Variants in TMLHE observed in about 807,000 individuals in gnomAD.
TMLHE encodes the protein trimethyllysine hydroxylase, epsilon, also known as trimethyllysine dioxygenase, mitochondrial.
Under a neutral mutation model 25.7 loss-of-function variants are expected in TMLHE, and 18 were observed. The ratio of observed to expected loss-of-function variants is 0.70; its 90% CI spans 0.48 to 1.04. The LOEUF is 1.04. Ranked by LOEUF, TMLHE falls within the 50% of genes least tolerant of loss-of-function variation. The pLI, the probability that TMLHE is intolerant of heterozygous loss-of-function variation, is 0.00. For missense variants in TMLHE, 236 were observed against 259.0 expected (o/e 0.91, Z 0.61); for synonymous variants, 105 against 97.0 (o/e 1.08, Z -0.49).
chrX:155,585,070 A>C (rs1557345111), intron 1 of TMLHE, among the ~76,000 whole-genome samples: 1 of 111,916 alleles, frequency 8.9e-6, no homozygotes, highest in African/African-American at 3.2e-5. Context: ...AATATACAAA[A>C]CAACCAGAAA....
chrX:155,545,272 C>T lies in TMLHE; in HGVS notation c.5G>A (p.Trp2Ter), dbSNP rs886041543. M[W>*]YHRLSHLHSR... ...GTGTAGGTGGGACAATCTGTGGTAC[C>T]ACATCCTAGAAGATTGGATAATAAC... The change falls in exon 2 of 8, where the codon TGG (tryptophan) becomes TAG (stop). Residue 2 changes from tryptophan to a stop codon, truncating the protein, a stop_gained. Coordinates refer to ENST00000334398, the MANE Select transcript of TMLHE (RefSeq NM_018196.4). LOFTEE classifies it high-confidence loss of function. The T allele has an allele frequency of 4.2e-6, 5 of 1,186,424 alleles. 1 individual carries two copies. In the East Asian group the frequency reaches 1.5e-4, roughly 35 times the overall value.
At chrX:155,612,411 G>T (rs1450948409) in intron 1 of TMLHE, 2 of 111,970 alleles carry the variant, frequency 1.8e-5, no homozygotes, top group African/African-American at 3.3e-5. Flanking sequence ...CTCGCTGAAA[G>T]CTAAACACCA....
intron 1 of TMLHE, among the ~76,000 whole-genome samples, chrX:155,560,634 T>TG (rs2067491376): frequency 1.9e-5 from 1 of 53,552 alleles, no homozygotes; most frequent in African/African-American, 4.0e-5. Context: ...GGATAGCCAA[T>TG]GCAAAGGCTC....
intron 3 of TMLHE, among the ~76,000 whole-genome samples, chrX:155,523,700 A>C (rs2067202353): frequency 8.9e-6 from 1 of 111,841 alleles, no homozygotes; most frequent in African/African-American, 3.2e-5. Context: ...AATCTTGCTT[A>C]TATTTTGACA....
intron 1 of TMLHE, among the ~76,000 whole-genome samples, chrX:155,585,581 G>A (rs2067659234): frequency 9.0e-6 from 1 of 111,358 alleles, no homozygotes; most frequent in African/African-American, 3.3e-5. Flanking sequence ...TAGATATAAA[G>A]GGAGAGAAAG....
intron 1 of TMLHE, among the ~76,000 whole-genome samples, chrX:155,593,443 T>C (rs2067703652): frequency 8.9e-6 from 1 of 111,892 alleles, no homozygotes; most frequent in Non-Finnish European, 1.9e-5. Context: ...TGAAGGTCCA[T>C]CCCTGCCAAA....
intron 5 of TMLHE, among the ~76,000 whole-genome samples, chrX:155,510,587 T>G (rs1312935277): frequency 9.1e-6 from 1 of 109,746 alleles, no homozygotes; most frequent in Admixed American, 9.8e-5. Context: ...ACTCATCATT[T>G]TTTATGGCTG....
intron 5 of TMLHE, among the ~76,000 whole-genome samples, chrX:155,511,138 C>T (rs1557333468): frequency 9.0e-6 from 1 of 111,537 alleles, no homozygotes. Context: ...ATTGTAATCT[C>T]CAGTGCTGGA....
chrX:155,604,819 C>A (rs2067777764), intron 1 of TMLHE, among the ~76,000 whole-genome samples: 1 of 112,185 alleles, frequency 8.9e-6, no homozygotes, highest in Non-Finnish European at 1.9e-5. Flanking sequence ...CTAATATATC[C>A]CTCTGTGAAA....
intron 1 of TMLHE, among the ~76,000 whole-genome samples, chrX:155,557,771 G>A (rs782167888): frequency 8.1e-5 from 9 of 110,932 alleles, no homozygotes; most frequent in Admixed American, 1.9e-4. Context: ...CATTCAACCA[G>A]TTGCGTAACT....
At chrX:155,583,778 G>A (rs1310300631) in intron 1 of TMLHE, among the ~76,000 whole-genome samples, 5 of 111,586 alleles carry the variant, frequency 4.5e-5, no homozygotes, top group Non-Finnish European at 9.4e-5. Context: ...TGGACATAGA[G>A]TGAGGAATGA....
At chrX:155,548,529 T>TTCAAC (rs1216971936) in intron 1 of TMLHE, among the ~76,000 whole-genome samples, 1 of 107,598 alleles carries the variant, frequency 9.3e-6, no homozygotes, top group Non-Finnish European at 1.9e-5. Flanking sequence ...AGGTCAGCAG[T>TTCAAC]ATGAGGCCAG....
chrX:155,549,117 CAG>C (rs2067391652), intron 1 of TMLHE, among the ~76,000 whole-genome samples: 1 of 111,433 alleles, frequency 9.0e-6, no homozygotes, highest in Non-Finnish European at 1.9e-5. Flanking sequence ...TTAATAAAAA[CAG>C]TTATTACTTC....
At chrX:155,516,090 A>G (rs1460151528) in intron 3 of TMLHE, among the ~76,000 whole-genome samples, 2 of 49,968 alleles carry the variant, frequency 4.0e-5, no homozygotes, top group Non-Finnish European at 7.7e-5. Context: ...CTATGTATAC[A>G]TGTGCCATGC....
intron 1 of TMLHE, among the ~76,000 whole-genome samples, chrX:155,610,931 A>C (rs1448128380): frequency 4.5e-5 from 5 of 111,034 alleles, no homozygotes; most frequent in Non-Finnish European, 9.4e-5. Context: ...CAGAGTTGAC[A>C]TTCATTGATT....
rs187951530 is a variant in TMLHE, at chrX:155,508,593, C to G, written c.759-1459G>C. ...GGAAGAATAATATTTAGGAAATAGA[C>G]AAAAGAAGCCAGCAAAGGAGGCTGA... is the stretch of plus-strand genomic sequence containing the variant. On this transcript the variant is annotated intron_variant, in intron 5 of 7. Transcript: ENST00000334398. Among the ~76,000 whole-genome samples, 3 of 110,215 alleles carry G rather than the reference C, an allele frequency of 2.7e-5. No individual in the cohort carries two copies. In the Admixed American group the frequency reaches 2.9e-4, roughly 11 times the overall value.
rs1179233743 is a variant in TMLHE, at chrX:155,570,151, A to C, written c.-1-24874T>G. On this transcript the variant is annotated intron_variant, in intron 1 of 7. Transcript: ENST00000334398. ...AAAGGACGGAGAAGATCTACCAAGCAAATGGAAAACAAAAAAAGGCAGGGG... is the reference window on the plus strand; with the variant it reads ...AAAGGACGGAGAAGATCTACCAAGCCAATGGAAAACAAAAAAAGGCAGGGG... Among the ~76,000 whole-genome samples, 12 of 56,248 alleles carry C rather than the reference A, an allele frequency of 2.1e-4. 3 individuals are homozygous for C. The highest frequency in any genetic ancestry group is 4.2e-4 in the Admixed American group (2 of 4,794). The allele number at this position is 56,248 out of a possible 115,157, so 48.8% of individuals were successfully genotyped here. A position where few individuals can be genotyped will look rare whatever the true frequency, so the allele number is the denominator to read the frequency against.
intron 2 of TMLHE, among the ~76,000 whole-genome samples, chrX:155,525,670 A>C (rs1438594792): frequency 8.9e-6 from 1 of 112,063 alleles, no homozygotes; most frequent in Non-Finnish European, 1.9e-5. Context: ...TTTTGACCAA[A>C]ATGCTGATAG....
intron 1 of TMLHE, among the ~76,000 whole-genome samples, chrX:155,592,824 A>G (rs1166609625): frequency 1.8e-5 from 2 of 112,117 alleles, no homozygotes; most frequent in Non-Finnish European, 3.8e-5. Flanking sequence ...CCCACCCACA[A>G]AGTAGAGCTG....
Sources: allele counts gnomAD v4.1 joint callset (sites outside exome capture counted in the v4.1 genomes callset), GRCh38; gene constraint gnomAD v4.1.1; transcripts MANE v1.5; gene names NCBI Gene and HGNC (gene_info 2026-07-23, HGNC 2026-07-21).